Variants in MEIS2 observed in about 807,000 individuals in gnomAD.
MEIS2 encodes the protein homeobox protein Meis2.
In MEIS2, 9 loss-of-function variants were observed where a neutral mutation model predicts 58.6. That is an observed-to-expected ratio of 0.15 (90% CI 0.09 to 0.27). The LOEUF (loss-of-function observed/expected upper bound fraction) is 0.27, where lower values mean the gene tolerates loss of function less well. Ranked by LOEUF, MEIS2 falls within the 10% of genes least tolerant of loss-of-function variation. The pLI, the probability that MEIS2 is intolerant of heterozygous loss-of-function variation, is 1.00. For synonymous variants in MEIS2, 221 were observed against 228.4 expected, an observed-to-expected ratio of 0.97 and a Z score of 0.29; for missense variants, 427 against 635.0, an observed-to-expected ratio of 0.67 and a Z score of 3.52.
chr15:37,085,755 A>T (rs1892803749), intron 6 of MEIS2, among the ~76,000 whole-genome samples: 1 of 152,108 alleles, frequency 6.6e-6, no homozygotes, highest in Admixed American at 6.5e-5. Context: ...ATAAAAGTCA[A>T]GGTTTTCTGC....
At chr15:36,997,167 G>C (rs979271358) in intron 8 of MEIS2, among the ~76,000 whole-genome samples, 6 of 152,228 alleles carry the variant, frequency 3.9e-5, no homozygotes, top group African/African-American at 1.4e-4. Context: ...TGAGAGGAAA[G>C]ATTGCTTACT....
At chr15:36,992,794 G>T (rs1049646536) in intron 8 of MEIS2, among the ~76,000 whole-genome samples, 2 of 151,870 alleles carry the variant, frequency 1.3e-5, no homozygotes, top group Non-Finnish European at 2.9e-5. Flanking sequence ...GGAAGAGGGG[G>T]AGAGAAGGGG....
intron 9 of MEIS2, among the ~76,000 whole-genome samples, chr15:36,899,267 C>G (rs767631789): frequency 6.6e-6 from 1 of 152,124 alleles, no homozygotes; most frequent in African/African-American, 2.4e-5. Flanking sequence ...TTCCCCTGAT[C>G]TTGGGATATT....
intron 9 of MEIS2, among the ~76,000 whole-genome samples, chr15:36,933,068 T>G (rs1195033845): frequency 2.6e-5 from 4 of 152,092 alleles, no homozygotes. Context: ...GTGGACAATT[T>G]TAGAACAGAC....
intron 8 of MEIS2, among the ~76,000 whole-genome samples, chr15:36,992,278 G>A (rs1376978840): frequency 1.3e-5 from 2 of 151,930 alleles, no homozygotes; most frequent in Admixed American, 1.3e-4. Flanking sequence ...CTTAGAAGTT[G>A]AAAAGTTCAT....
At chr15:37,083,177 C>T (rs898951631) in intron 7 of MEIS2, among the ~76,000 whole-genome samples, 7 of 152,022 alleles carry the variant, frequency 4.6e-5, no homozygotes, top group Non-Finnish European at 1.5e-5. Context: ...AGTTGATGTC[C>T]CCCTTGCCCT....
chr15:37,086,971 T>C (rs1892967412), intron 6 of MEIS2, among the ~76,000 whole-genome samples: 1 of 152,192 alleles, frequency 6.6e-6, no homozygotes, highest in African/African-American at 2.4e-5. Flanking sequence ...CTTCTATTCT[T>C]CCCCTTAGAG....
chr15:36,908,947 T>A (rs2056874191), intron 9 of MEIS2, among the ~76,000 whole-genome samples: 1 of 151,936 alleles, frequency 6.6e-6, no homozygotes. Context: ...CTCAAAATAA[T>A]AATAATAATA....
intron 7 of MEIS2, among the ~76,000 whole-genome samples, chr15:37,062,172 A>G (rs1460623634): frequency 1.3e-5 from 2 of 152,142 alleles, no homozygotes; most frequent in Non-Finnish European, 2.9e-5. Flanking sequence ...CAGCTCTCTG[A>G]TCTCCAGGCC....
chr15:37,071,178 T>G (rs191511901), intron 7 of MEIS2, among the ~76,000 whole-genome samples: 1 of 152,116 alleles, frequency 6.6e-6, no homozygotes. Flanking sequence ...CCTCCTATAT[T>G]ATTGTAGCAC....
At chr15:36,994,970 C>T (rs2060423491) in intron 8 of MEIS2, among the ~76,000 whole-genome samples, 2 of 152,190 alleles carry the variant, frequency 1.3e-5, no homozygotes. Context: ...ACATATGAGA[C>T]CATTAGGCAT....
At chr15:36,902,417 G>A (rs915367334) in intron 9 of MEIS2, among the ~76,000 whole-genome samples, 2 of 151,746 alleles carry the variant, frequency 1.3e-5, no homozygotes, top group African/African-American at 4.8e-5. Context: ...TGCAGGGGTG[G>A]GAGGTGGATA....
intron 8 of MEIS2, among the ~76,000 whole-genome samples, chr15:36,973,989 C>T (rs890683495): frequency 2.0e-5 from 3 of 152,178 alleles, no homozygotes; most frequent in Admixed American, 6.5e-5. Flanking sequence ...ATTTCCCCCT[C>T]GATTTTTCTA....
intron 8 of MEIS2, among the ~76,000 whole-genome samples, chr15:36,973,075 G>A (rs7183465): frequency 0.08 from 12,141 of 152,088 alleles, 1,121 homozygotes; most frequent in African/African-American, 0.21. Context: ...CTTGGCCATC[G>A]GAAACTAAAG....
intron 8 of MEIS2, among the ~76,000 whole-genome samples, chr15:36,967,493 T>C (rs2059394926): frequency 6.6e-6 from 1 of 152,124 alleles, no homozygotes; most frequent in Non-Finnish European, 1.5e-5. Context: ...TGTCTCTAAA[T>C]TGACTACAAA....
chr15:36,998,995 T>C (rs902725964), intron 8 of MEIS2, among the ~76,000 whole-genome samples: 1 of 152,252 alleles, frequency 6.6e-6, no homozygotes, highest in Non-Finnish European at 1.5e-5. Context: ...ATTCTGTTTC[T>C]GACATTTAAC....
chr15:36,975,568 A>G (rs2059717302), intron 8 of MEIS2, among the ~76,000 whole-genome samples: 1 of 151,004 alleles, frequency 6.6e-6, no homozygotes, highest in Non-Finnish European at 1.5e-5. Flanking sequence ...CTTCTTGACA[A>G]CAGTCTGAGA....
chr15:37,049,507 GACAGAGTCTC>G (rs2062818132), intron 7 of MEIS2, among the ~76,000 whole-genome samples: 1 of 151,180 alleles, frequency 6.6e-6, no homozygotes, highest in Non-Finnish European at 1.5e-5. Flanking sequence ...TTTTTTTGGA[GACAGAGTCTC>G]ACTCTGTCTC....
chr15:36,929,382 T>C (rs1398612250), intron 9 of MEIS2, among the ~76,000 whole-genome samples: 2 of 152,224 alleles, frequency 1.3e-5, no homozygotes, highest in Non-Finnish European at 2.9e-5. Context: ...ATAAACTTCC[T>C]TGTGCATGCA....
Sources: allele counts gnomAD v4.1 joint callset (sites outside exome capture counted in the v4.1 genomes callset), GRCh38; gene constraint gnomAD v4.1.1; transcripts MANE v1.5; gene names NCBI Gene and HGNC (gene_info 2026-07-23, HGNC 2026-07-21).